Variants in RABEP1 observed in about 807,000 individuals in gnomAD.
RABEP1 encodes rab GTPase-binding effector protein 1.
RABEP1 carries 51 observed loss-of-function variants against 123.4 expected under a neutral mutation model. The observed-to-expected ratio is 0.41, with a 90% CI of 0.33 to 0.52. The LOEUF (loss-of-function observed/expected upper bound fraction) is 0.52, where lower values mean the gene tolerates loss of function less well. RABEP1 is among the 20% of genes least tolerant of loss of function. The pLI is 0.16. For missense variants in RABEP1, 888 were observed against 996.3 expected (o/e 0.89, Z 1.46); for synonymous variants, 347 against 355.2 (o/e 0.98, Z 0.26).
At chr17:5,318,736 C>G (rs182926453) in intron 2 of RABEP1, among the ~76,000 whole-genome samples, 3 of 152,284 alleles carry the variant, frequency 2.0e-5, no homozygotes, top group Admixed American at 6.5e-5. Flanking sequence ...ATCCTAATCT[C>G]AAAACCATAC....
At chr17:5,373,866 G>A (rs9890097) in intron 13 of RABEP1, among the ~76,000 whole-genome samples, 109,811 of 152,094 alleles carry the variant, frequency 0.72, 40,998 homozygotes, top group African/African-American at 0.89. Context: ...AGAATCATAC[G>A]ATATGTGGTC....
At chr17:5,360,778 G>T (rs1202390906) in intron 8 of RABEP1, among the ~76,000 whole-genome samples, 1 of 152,106 alleles carries the variant, frequency 6.6e-6, no homozygotes. Flanking sequence ...GTGTCCCTCT[G>T]TCAAGGGAAT....
intron 1 of RABEP1, among the ~76,000 whole-genome samples, chr17:5,294,511 A>G (rs2075061950): frequency 6.6e-6 from 1 of 152,030 alleles, no homozygotes; most frequent in Non-Finnish European, 1.5e-5. Context: ...ATGGGAGAAT[A>G]TGCATAAGTT....
intron 3 of RABEP1, among the ~76,000 whole-genome samples, chr17:5,334,419 A>G (rs977777889): frequency 7.2e-5 from 11 of 152,094 alleles, no homozygotes; most frequent in Middle Eastern, 3.2e-3. Flanking sequence ...TTTAGTAGAG[A>G]TGGGGTTTCA....
In RABEP1 at chr17:5,287,685, C is replaced by T. The variant is rs570060390; in HGVS notation, c.34+5165C>T. Among the ~76,000 whole-genome samples the T allele has an allele frequency of 6.5e-3, 984 of 150,706 alleles. 8 individuals are homozygous for T. The highest frequency in any genetic ancestry group is 0.011 in the Non-Finnish European group (727 of 67,796). On this transcript the variant is annotated intron_variant, in intron 1 of 17. Transcript: ENST00000537505. ...CTGTAATCTCAACACTTTGGGAGGC[C>T]TAGGTGGGTGGATTGCTTGAGCCCA...
In RABEP1 at chr17:5,337,594, G is replaced by C. The variant is rs138716452; in HGVS notation, c.529-425G>C. 4.7e-3 allele frequency among the ~76,000 whole-genome samples: 717 copies of C among 152,286 alleles called. 2 individuals are homozygous for C. Among genetic ancestry groups the C allele is most frequent in the Non-Finnish European group, 7.8e-3 (532 of 68,036 alleles). ...TGTAGTCCCAGTTACTCGGGAGGCT[G>C]AGGCAGGAGAATGGTGTGAACCTGG... On this transcript the variant is annotated intron_variant, in intron 4 of 17. Transcript: ENST00000537505.
In RABEP1 at chr17:5,282,286, C is replaced by T. The variant is rs1389211265; in HGVS notation, c.-201C>T. 1 of 406,252 alleles carries T rather than the reference C, an allele frequency of 2.5e-6. No individual in the cohort carries two copies. The highest frequency in any genetic ancestry group is 3.6e-5 in the East Asian group (1 of 27,940). The allele number at this position is 406,252 out of a possible 1,614,324, so 25.2% of individuals were successfully genotyped here. A position where few individuals can be genotyped will look rare whatever the true frequency, so the allele number is the denominator to read the frequency against. ...CTGCGCACTGCTTATTTCCCGCTGT[C>T]AGGATGAGGAGGCGGAGGTCGGCGG... On this transcript the variant is annotated 5_prime_UTR_variant, in exon 1 of 18. Transcript: ENST00000537505.
rs528772203 is a variant in RABEP1, at chr17:5,321,048, G to A, written c.164-10901G>A. Among the ~76,000 whole-genome samples the A allele has an allele frequency of 2.0e-5, 3 of 152,272 alleles. No homozygotes were observed. The East Asian group carries it at 5.8e-4, about 29-fold the overall frequency. On this transcript the variant is annotated intron_variant, in intron 2 of 17. Transcript: ENST00000537505. ...ACTTTGGCTGGGTGCAGTGGCTCAT[G>A]CCTGTAATCCCAATATTTTGGGAGG...
chr17:5,283,009 G>C (rs896054456), intron 1 of RABEP1, among the ~76,000 whole-genome samples: 1 of 152,120 alleles, frequency 6.6e-6, no homozygotes, highest in Non-Finnish European at 1.5e-5. Flanking sequence ...GGATTTAGTA[G>C]CATTCCCTGA....
intron 2 of RABEP1, among the ~76,000 whole-genome samples, chr17:5,322,962 G>C (rs1905532674): frequency 6.6e-6 from 1 of 152,104 alleles, no homozygotes; most frequent in Non-Finnish European, 1.5e-5. Flanking sequence ...TGCAATCCCA[G>C]CTACTCTGGA....
intron 2 of RABEP1, among the ~76,000 whole-genome samples, chr17:5,310,946 G>A (rs2075233259): frequency 6.6e-6 from 1 of 150,432 alleles, no homozygotes. Flanking sequence ...AGTAGCTGGG[G>A]CTACAGGTGT....
chr17:5,367,921 AT>A (rs1247721602), intron 11 of RABEP1, among the ~76,000 whole-genome samples: 5 of 148,808 alleles, frequency 3.4e-5, no homozygotes, highest in Admixed American at 2.0e-4. Context: ...CACCCAGCTA[AT>A]TTTTTTTTAC....
intron 14 of RABEP1, 35 bp downstream of exon 14, chr17:5,377,340 T>TCA: frequency 6.6e-7 from 1 of 1,521,400 alleles, no homozygotes; most frequent in Admixed American, 2.3e-5. Context: ...AGAATTAGAG[T>TCA]CACTAAATAA....
chr17:5,384,026 T>C lies in RABEP1; in HGVS notation c.*803T>C. On this transcript the variant is annotated 3_prime_UTR_variant, in exon 18 of 18. Transcript: ENST00000537505. ...GGTACCATCTACTCTTTTGAAGTGT[T>C]TTAGTCTAGTTATTGGATCAGTGAA... is the stretch of plus-strand genomic sequence containing the variant. The C allele has an allele frequency of 4.6e-6, 1 of 218,474 alleles. No homozygotes were observed. Among genetic ancestry groups the C allele is most frequent in the East Asian group, 6.9e-5 (1 of 14,592 alleles). The allele number at this position is 218,474 out of a possible 1,614,324, so 13.5% of individuals were successfully genotyped here.
intron 1 of RABEP1, among the ~76,000 whole-genome samples, chr17:5,306,463 A>G (rs1440278261): frequency 6.6e-6 from 1 of 152,114 alleles, no homozygotes; most frequent in African/African-American, 2.4e-5. Flanking sequence ...CCCTGTCTCT[A>G]CTAAAAATAC....
intron 1 of RABEP1, among the ~76,000 whole-genome samples, chr17:5,295,351 T>TGCACTCCA (rs1162367120): frequency 6.7e-6 from 1 of 149,666 alleles, no homozygotes; most frequent in Non-Finnish European, 1.5e-5. Context: ...ATCATGCCAC[T>TGCACTCCA]GCACTCCAGC....
At chr17:5,326,568 G>A (rs1048386829) in intron 2 of RABEP1, among the ~76,000 whole-genome samples, 1 of 152,202 alleles carries the variant, frequency 6.6e-6, no homozygotes, top group African/African-American at 2.4e-5. Context: ...GTGGGAACAT[G>A]TCGTTACACA....
At chr17:5,352,790 C>T (rs1381645846) in intron 7 of RABEP1, among the ~76,000 whole-genome samples, 3 of 152,102 alleles carry the variant, frequency 2.0e-5, no homozygotes, top group Non-Finnish European at 4.4e-5. Flanking sequence ...GAGATCACAT[C>T]ACTGCACTCC....
At chr17:5,297,705 C>T (rs556742380) in intron 1 of RABEP1, among the ~76,000 whole-genome samples, 1 of 152,264 alleles carries the variant, frequency 6.6e-6, no homozygotes, top group South Asian at 2.1e-4. Flanking sequence ...ATTATTTAAT[C>T]CTTACTACAA....
Sources: gnomAD v4.1 joint callset for allele counts (sites outside exome capture counted in the v4.1 genomes callset) on GRCh38, gnomAD v4.1.1 for gene constraint, MANE v1.5 for transcripts, NCBI Gene and HGNC (gene_info 2026-07-23, HGNC 2026-07-21) for gene names.